The following MC1R variants were observed in gnomAD, a reference collection of about 807,000 sequenced individuals.
The protein encoded by MC1R is melanocortin 1 receptor, also known as melanocyte-stimulating hormone receptor.
For missense variants in MC1R, 542 were observed against 430.0 expected (o/e 1.26, Z -2.30); for synonymous variants, 263 against 203.8 (o/e 1.29, Z -2.47).
rs762056280 is a variant in MC1R, at chr16:89,920,779, G to A, written c.*567G>A. The A allele has an allele frequency of 2.9e-6, 2 of 693,230 alleles. No homozygotes were observed. The highest frequency in any genetic ancestry group is 1.6e-5 in the South Asian group (1 of 62,864). The allele number at this position is 693,230 out of a possible 1,614,324, so 42.9% of individuals were successfully genotyped here. The stretch of plus-strand genomic sequence containing the variant: ...AGGCCAAGGGACCAGGTTTGCAGGA[G>A]CCCCCCTAGTGGTATGGGGCTGAGC... On this transcript the variant is annotated 3_prime_UTR_variant, in exon 1 of 1. Transcript: ENST00000555147.
At position 89,919,992 on chromosome 16, in the gene MC1R, T is replaced by G; in HGVS notation, c.734T>G (p.Ile245Ser). ...CTTAAAGGCGCTGTCACCCTCACCA[T>G]CCTGCTGGGCATTTTCTTCCTCTGC... is the stretch of plus-strand genomic sequence containing the variant. ...FGLKGAVTLT[I>S]LLGIFFLCWG... Residue 245 changes from isoleucine (I) to serine (S), a missense_variant, in exon 1 of 1, where the codon ATC becomes AGC. Ile to Ser is a moderately radical substitution (Grantham distance 142, BLOSUM62 -2). Coordinates refer to ENST00000555147, the MANE Select transcript of MC1R (RefSeq NM_002386.4). 1.9e-6 allele frequency: 3 copies of G among 1,613,460 alleles called. No homozygotes were observed. Among genetic ancestry groups the G allele is most frequent in the Non-Finnish European group, 2.5e-6 (3 of 1,179,896 alleles).
rs774680166 is a variant in MC1R, at chr16:89,919,820, G to A, written c.562G>A (p.Val188Ile). The change falls in exon 1 of 1, where the codon GTC becomes ATC. Residue 188 changes from valine (V) to isoleucine (I), a missense_variant. Physicochemically the swap from Val to Ile is conservative, Grantham distance 29. Transcript: ENST00000555147. The part of the protein sequence containing the change: ...LFIAYYDHVA[V>I]LLCLVVFFLA... ...CATCGCCTACTACGACCACGTGGCC[G>A]TCCTGCTGTGCCTCGTGGTCTTCTT... 1.1e-5 allele frequency: 17 copies of A among 1,606,950 alleles called. No homozygotes were observed. Among genetic ancestry groups the A allele is most frequent in the African/African-American group, 6.7e-5 (5 of 74,932 alleles).
rs750738503 is a variant in MC1R, at chr16:89,919,754, G to A, written c.496G>A (p.Ala166Thr). ...CCTGCCGCGGGCGCGGCGAGCCGTT[G>A]CGGCCATCTGGGTGGCCAGTGTCGT... Reference protein sequence around the residue: ...VTLPRARRAVAAIWVASVVFS... With the variant: ...VTLPRARRAVTAIWVASVVFS... The change falls in exon 1 of 1, where the codon GCG becomes ACG. Residue 166 changes from alanine (A) to threonine (T), a missense_variant. Physicochemically the swap from Ala to Thr is moderately conservative, Grantham distance 58. Coordinates refer to ENST00000555147, the MANE Select transcript of MC1R (RefSeq NM_002386.4). 1.2e-6 allele frequency: 2 copies of A among 1,608,368 alleles called. No individual in the cohort carries two copies. Among genetic ancestry groups the A allele is most frequent in the South Asian group, 1.1e-5 (1 of 91,086 alleles).
Position 89,919,455 on chromosome 16 carries a change from A to T in MC1R, c.197A>T (p.Asn66Ile), listed in dbSNP as rs2045692157. ...NALVVATIAK[N>I]RNLHSPMYCF... ...CTGGTGGTGGCCACCATCGCCAAGA[A>T]CCGGAACCTGCACTCACCCATGTAC... Residue 66 changes from asparagine to isoleucine, a missense_variant, in exon 1 of 1, where the codon AAC becomes ATC. Coordinates refer to ENST00000555147, the MANE Select transcript of MC1R (RefSeq NM_002386.4). 1 of 1,613,100 alleles carries T rather than the reference A, an allele frequency of 6.2e-7. No homozygotes were observed. Among genetic ancestry groups the T allele is most frequent in the African/African-American group, 1.3e-5 (1 of 74,908 alleles).
chr16:89,920,539 GTCTGC>G lies in MC1R; in HGVS notation c.*330_*334del, dbSNP rs1487260874. On this transcript the variant is annotated 3_prime_UTR_variant, in exon 1 of 1. Coordinates refer to ENST00000555147, the MANE Select transcript of MC1R (RefSeq NM_002386.4). ...TTTCCGCCCACTCCTGGGACACTCCGTCTGCTCCAATGACTGAGCAGCATCCACCC... is the reference window on the plus strand; with the variant it reads ...TTTCCGCCCACTCCTGGGACACTCCGTCCAATGACTGAGCAGCATCCACCC... 1.6e-6 allele frequency: 1 copy of G among 629,204 alleles called. No individual in the cohort carries two copies. The highest frequency in any genetic ancestry group is 2.9e-6 in the Non-Finnish European group (1 of 344,864). The allele number at this position is 629,204 out of a possible 1,614,324, so 39.0% of individuals were successfully genotyped here.
rs371022090 is a variant in MC1R, at chr16:89,919,531, C to T, written c.273C>T (p.Asn91=). Residue 91 remains asparagine, a synonymous_variant, in exon 1 of 1, where the codon AAC becomes AAT. Coordinates refer to ENST00000555147, the MANE Select transcript of MC1R (RefSeq NM_002386.4). ...ALSDLLVSGS[N]VLETAVILLL... ...CGGACCTGCTGGTGAGCGGGAGCAA[C>T]GTGCTGGAGACGGCCGTCATCCTCC... is the stretch of plus-strand genomic sequence containing the variant. The T allele has an allele frequency of 3.1e-6, 5 of 1,612,968 alleles. No individual in the cohort carries two copies. The highest frequency in any genetic ancestry group is 2.2e-5 in the East Asian group (1 of 44,872).
Position 89,919,767 on chromosome 16 carries a change from T to C in MC1R, c.509T>C (p.Val170Ala). Residue 170 changes from valine (V) to alanine (A), a missense_variant, in exon 1 of 1, where the codon GTG (valine) becomes GCG (alanine). Transcript: ENST00000555147. ...RARRAVAAIWVASVVFSTLFI... is the reference protein window; with the variant it reads ...RARRAVAAIWAASVVFSTLFI... ...CGGCGAGCCGTTGCGGCCATCTGGG[T>C]GGCCAGTGTCGTCTTCAGCACGCTC... 1 of 1,608,676 alleles carries C rather than the reference T, an allele frequency of 6.2e-7. No individual in the cohort carries two copies. Among genetic ancestry groups the C allele is most frequent in the Middle Eastern group, 1.6e-4 (1 of 6,062 alleles).
Position 89,920,350 on chromosome 16 carries a change from A to T in MC1R, c.*138A>T. 1.3e-6 allele frequency: 1 copy of T among 774,274 alleles called. No homozygotes were observed. The highest frequency in any genetic ancestry group is 2.1e-6 in the Non-Finnish European group (1 of 471,958). 48.0% of individuals were successfully genotyped at this position (774,274 alleles called of 1,614,324 possible). A position where few individuals can be genotyped will look rare whatever the true frequency, so the allele number is the denominator to read the frequency against. ...AAGAGGATGGACTAAATGATCTCTG[A>T]AAGTGTTGAAGCGCGGACCCTTCTG... is the stretch of plus-strand genomic sequence containing the variant. On this transcript the variant is annotated 3_prime_UTR_variant, in exon 1 of 1. Coordinates refer to ENST00000555147, the MANE Select transcript of MC1R (RefSeq NM_002386.4).
At position 89,919,588 on chromosome 16, in the gene MC1R, T is replaced by G. The variant is rs377050541; in HGVS notation, c.330T>G (p.Ala110=). The G allele has an allele frequency of 6.2e-7, 1 of 1,609,926 alleles. No homozygotes were observed. Among genetic ancestry groups the G allele is most frequent in the Admixed American group, 1.7e-5 (1 of 59,994 alleles). ...AGGCCGGTGCACTGGTGGCCCGGGC[T>G]GCGGTGCTGCAGCAGCTGGACAATG... ...LLEAGALVAR[A]AVLQQLDNVI... Residue 110 remains alanine, a synonymous_variant, in exon 1 of 1, where the codon GCT becomes GCG. Coordinates refer to ENST00000555147, the MANE Select transcript of MC1R (RefSeq NM_002386.4).
chr16:89,919,126 A>G lies in MC1R; in HGVS notation c.-133A>G, dbSNP rs2045686381. On this transcript the variant is annotated 5_prime_UTR_variant, in exon 1 of 1. An upstream start codon of the reference 5' UTR is lost. Coordinates refer to ENST00000555147, the MANE Select transcript of MC1R (RefSeq NM_002386.4). ...TGAGGGCAGATCTGGGGGTGCCCAGATGGAAGGAGGCAGGCATGGGGGACA... is the reference window on the plus strand; with the variant it reads ...TGAGGGCAGATCTGGGGGTGCCCAGGTGGAAGGAGGCAGGCATGGGGGACA... 5 of 658,676 alleles carry G rather than the reference A, an allele frequency of 7.6e-6. No homozygotes were observed. The allele number at this position is 658,676 out of a possible 1,614,324, so 40.8% of individuals were successfully genotyped here. A position where few individuals can be genotyped will look rare whatever the true frequency, so the allele number is the denominator to read the frequency against.
In MC1R at chr16:89,919,851, C is replaced by T. The variant is rs1437472612; in HGVS notation, c.593C>T (p.Ala198Val). 1 of 1,606,486 alleles carries T rather than the reference C, an allele frequency of 6.2e-7. No individual in the cohort carries two copies. ...CTGTGCCTCGTGGTCTTCTTCCTGGCTATGCTGGTGCTCATGGCCGTGCTG... is the reference window on the plus strand; with the variant it reads ...CTGTGCCTCGTGGTCTTCTTCCTGGTTATGCTGGTGCTCATGGCCGTGCTG... ...VLLCLVVFFL[A>V]MLVLMAVLYV... is the part of the protein sequence containing the mutation. Residue 198 changes from alanine to valine, a missense_variant, in exon 1 of 1, where the codon GCT (alanine) becomes GTT (valine). Coordinates refer to ENST00000555147, the MANE Select transcript of MC1R (RefSeq NM_002386.4).
In MC1R at chr16:89,918,893, C is replaced by T. The variant is rs1467069158; in HGVS notation, c.-366C>T. On this transcript the variant is annotated 5_prime_UTR_variant, in exon 1 of 1. Transcript: ENST00000555147. Reference sequence around the variant, plus strand: ...CCCAGGACCTCAGCGCAGCCCTGGCCCAGGAAGGCAGGAGACAGAGGCCAG... The same window carrying T: ...CCCAGGACCTCAGCGCAGCCCTGGCTCAGGAAGGCAGGAGACAGAGGCCAG... 7.1e-6 allele frequency: 2 copies of T among 283,404 alleles called. No homozygotes were observed. The highest frequency in any genetic ancestry group is 4.3e-5 in the African/African-American group (2 of 47,032). 17.6% of individuals were successfully genotyped at this position (283,404 alleles called of 1,614,324 possible).
Position 89,920,271 on chromosome 16 carries a change from C to G in MC1R, c.*59C>G, listed in dbSNP as rs938331667. 2.3e-4 allele frequency: 326 copies of G among 1,447,818 alleles called. No individual in the cohort carries two copies. Among genetic ancestry groups the G allele is most frequent in the Non-Finnish European group, 1.4e-4 (150 of 1,044,116 alleles). 89.7% of individuals were successfully genotyped at this position (1,447,818 alleles called of 1,614,324 possible). On this transcript the variant is annotated 3_prime_UTR_variant, in exon 1 of 1. Coordinates refer to ENST00000555147, the MANE Select transcript of MC1R (RefSeq NM_002386.4). ...GAGGGAGGTGGTGATATTGTGTGGT[C>G]TGGTTCCTGTGTGACCCTGGGCAGT...
In MC1R at chr16:89,919,947, C is replaced by T. The variant is rs368714912; in HGVS notation, c.689C>T (p.Pro230Leu). ...GIARLHKRQR[P>L]VHQGFGLKGA... The stretch of plus-strand genomic sequence containing the variant: ...GCCCGGCTCCACAAGAGGCAGCGCC[C>T]GGTCCACCAGGGCTTTGGCCTTAAA... The change falls in exon 1 of 1, where the codon CCG becomes CTG. Residue 230 changes from proline to leucine, a missense_variant. Coordinates refer to ENST00000555147, the MANE Select transcript of MC1R (RefSeq NM_002386.4). The T allele has an allele frequency of 4.9e-5, 79 of 1,611,638 alleles. No homozygotes were observed. The highest frequency in any genetic ancestry group is 4.9e-5 in the Non-Finnish European group (58 of 1,179,888).
chr16:89,919,210 G>A lies in MC1R; in HGVS notation c.-49G>A, dbSNP rs1416947756. Reference sequence around the variant, plus strand: ...AGGACACCTGGAGGGGAAGAACTGTGGGGACCTGGAGGCCTCCAACGACTC... The same window carrying A: ...AGGACACCTGGAGGGGAAGAACTGTAGGGACCTGGAGGCCTCCAACGACTC... On this transcript the variant is annotated 5_prime_UTR_variant, in exon 1 of 1. Coordinates refer to ENST00000555147, the MANE Select transcript of MC1R (RefSeq NM_002386.4). The A allele has an allele frequency of 1.5e-6, 2 of 1,303,044 alleles. No individual in the cohort carries two copies. Among genetic ancestry groups the A allele is most frequent in the Non-Finnish European group, 2.1e-6 (2 of 950,748 alleles). The allele number at this position is 1,303,044 out of a possible 1,614,324, so 80.7% of individuals were successfully genotyped here.
At position 89,919,813 on chromosome 16, in the gene MC1R, C is replaced by T. The variant is rs199920775; in HGVS notation, c.555C>T (p.His185=). ...CGCTCTTCATCGCCTACTACGACCA[C>T]GTGGCCGTCCTGCTGTGCCTCGTGG... ...FSTLFIAYYD[H]VAVLLCLVVF... The change falls in exon 1 of 1, where the codon CAC becomes CAT. Residue 185 remains histidine (H), a synonymous_variant. Coordinates refer to ENST00000555147, the MANE Select transcript of MC1R (RefSeq NM_002386.4). The T allele has an allele frequency of 3.4e-4, 540 of 1,607,574 alleles. No homozygotes were observed. Among genetic ancestry groups the T allele is most frequent in the Admixed American group, 6.8e-4 (41 of 60,026 alleles).
At position 89,920,389 on chromosome 16, in the gene MC1R, G is replaced by C. The variant is rs150450096; in HGVS notation, c.*177G>C. 8.3e-5 allele frequency: 53 copies of C among 639,738 alleles called. No homozygotes were observed. The highest frequency in any genetic ancestry group is 1.7e-4 in the Admixed American group (6 of 34,678). 39.6% of individuals were successfully genotyped at this position (639,738 alleles called of 1,614,324 possible). A position where few individuals can be genotyped will look rare whatever the true frequency, so the allele number is the denominator to read the frequency against. On this transcript the variant is annotated 3_prime_UTR_variant, in exon 1 of 1. Transcript: ENST00000555147. The stretch of plus-strand genomic sequence containing the variant: ...CGGACCCTTCTGGGTCCAGGGAGGG[G>C]TCCCTGCAAAACTCCAGGCAGGACT...
In MC1R at chr16:89,920,561, C is replaced by T. The variant is rs1470555473; in HGVS notation, c.*349C>T. The T allele has an allele frequency of 3.1e-6, 2 of 653,034 alleles. No homozygotes were observed. The highest frequency in any genetic ancestry group is 1.8e-5 in the South Asian group (1 of 57,124). 40.5% of individuals were successfully genotyped at this position (653,034 alleles called of 1,614,324 possible). On this transcript the variant is annotated 3_prime_UTR_variant, in exon 1 of 1. Coordinates refer to ENST00000555147, the MANE Select transcript of MC1R (RefSeq NM_002386.4). ...TCCGTCTGCTCCAATGACTGAGCAG[C>T]ATCCACCCCACCCCATCTTTGCTGC...
chr16:89,919,154 C>G lies in MC1R; in HGVS notation c.-105C>G, dbSNP rs2045686735. 2 of 797,398 alleles carry G rather than the reference C, an allele frequency of 2.5e-6. No homozygotes were observed. Among genetic ancestry groups the G allele is most frequent in the Non-Finnish European group, 4.0e-6 (2 of 505,606 alleles). The allele number at this position is 797,398 out of a possible 1,614,324, so 49.4% of individuals were successfully genotyped here. A position where few individuals can be genotyped will look rare whatever the true frequency, so the allele number is the denominator to read the frequency against. ...GAAGGAGGCAGGCATGGGGGACACC[C>G]AAGGCCCCCTGGCAGCACCATGAAC... On this transcript the variant is annotated 5_prime_UTR_variant, in exon 1 of 1. Coordinates refer to ENST00000555147, the MANE Select transcript of MC1R (RefSeq NM_002386.4).
Sources: gnomAD v4.1 joint callset for allele counts on GRCh38, gnomAD v4.1.1 for gene constraint, MANE v1.5 for transcripts, NCBI Gene and HGNC (gene_info 2026-07-23, HGNC 2026-07-21) for gene names.